TFB2M: variants seen among roughly 807,000 people sequenced by gnomAD.
TFB2M encodes the protein dimethyladenosine transferase 2, mitochondrial.
Under a neutral mutation model 41.3 loss-of-function variants are expected in TFB2M, and 44 were observed. The ratio of observed to expected loss-of-function variants is 1.07; its 90% CI spans 0.84 to 1.37. The LOEUF (loss-of-function observed/expected upper bound fraction) is 1.37. Among genes scored for constraint, TFB2M ranks in the 40% most tolerant of loss-of-function variants. The pLI, the probability that TFB2M is intolerant of heterozygous loss-of-function variation, is 0.00. For missense variants in TFB2M, 496 were observed against 490.2 expected (o/e 1.01, Z -0.11); for synonymous variants, 188 against 176.8 (o/e 1.06, Z -0.50).
chr1:246,561,175 G>C (rs546338855), intron 2 of TFB2M, among the ~76,000 whole-genome samples: 1 of 152,248 alleles, frequency 6.6e-6, no homozygotes, highest in South Asian at 2.1e-4. Context: ...AATTTTATTT[G>C]AATGGCTTTT....
intron 5 of TFB2M, 122 bp downstream of exon 5, chr1:246,551,090 AC>A: frequency 1.4e-6 from 1 of 692,400 alleles, no homozygotes; most frequent in South Asian, 1.8e-5. Context: ...TGAGAGGATC[AC>A]TTGAGTCCAG....
Position 246,566,258 on chromosome 1 carries a change from C to T in TFB2M, c.-120G>A. 2.0e-6 allele frequency: 2 copies of T among 992,214 alleles called. No individual in the cohort carries two copies. The highest frequency in any genetic ancestry group is 2.6e-5 in the East Asian group (1 of 38,372). The allele number at this position is 992,214 out of a possible 1,614,324, so 61.5% of individuals were successfully genotyped here. A position where few individuals can be genotyped will look rare whatever the true frequency, so the allele number is the denominator to read the frequency against. ...CCGGGCCAGGTCAAGCGGAAGTAAA[C>T]ACTAGAGCCTGCGCATGCGAACAGC... On this transcript the variant is annotated 5_prime_UTR_variant, in exon 1 of 8. Coordinates refer to ENST00000366514, the MANE Select transcript of TFB2M (RefSeq NM_022366.3).
intron 2 of TFB2M, among the ~76,000 whole-genome samples, chr1:246,560,015 T>A (rs1271618206): frequency 6.6e-6 from 1 of 152,132 alleles, no homozygotes; most frequent in Non-Finnish European, 1.5e-5. Context: ...GAGGGCCGCA[T>A]ACAGCCCAGG....
At chr1:246,562,274 A>T (rs1659476165) in intron 2 of TFB2M, among the ~76,000 whole-genome samples, 1 of 152,236 alleles carries the variant, frequency 6.6e-6, no homozygotes, top group Non-Finnish European at 1.5e-5. Flanking sequence ...GAAACGGAAG[A>T]TTATAAAAGA....
intron 2 of TFB2M, among the ~76,000 whole-genome samples, chr1:246,561,069 G>A (rs987259411): frequency 1.3e-5 from 2 of 152,340 alleles, no homozygotes; most frequent in African/African-American, 4.8e-5. Flanking sequence ...TATCCGCTAA[G>A]CGCAGCACTT....
intron 2 of TFB2M, among the ~76,000 whole-genome samples, chr1:246,558,242 G>A (rs1290496388): frequency 6.6e-6 from 1 of 151,560 alleles, no homozygotes; most frequent in Non-Finnish European, 1.5e-5. Context: ...GACCTCCTGG[G>A]CTTAAGTGAT....
intron 4 of TFB2M, among the ~76,000 whole-genome samples, chr1:246,556,312 T>C (rs564603471): frequency 7.6e-4 from 116 of 152,310 alleles, no homozygotes; most frequent in African/African-American, 2.5e-3. Flanking sequence ...AGTTTGTGTT[T>C]AATGAGTACA....
chr1:246,563,010 G>A (rs555764064), intron 2 of TFB2M, among the ~76,000 whole-genome samples: 26 of 152,152 alleles, frequency 1.7e-4, no homozygotes, highest in South Asian at 4.2e-4. Flanking sequence ...TAGCCTTGAC[G>A]GACCCGCTTC....
chr1:246,564,324 C>A (rs767808389), intron 2 of TFB2M, 22 bp downstream of exon 2: 12 of 1,606,002 alleles, frequency 7.5e-6, no homozygotes, highest in South Asian at 2.2e-5. Flanking sequence ...CAATAACATA[C>A]GTTGAGAAAC....
chr1:246,563,205 T>G (rs1348932242), intron 2 of TFB2M, among the ~76,000 whole-genome samples: 1 of 85,988 alleles, frequency 1.2e-5, no homozygotes, highest in Non-Finnish European at 2.9e-5. Context: ...GAACACACTT[T>G]TTTTTTTTTT....
chr1:246,555,583 A>C (rs1341743361), intron 4 of TFB2M, among the ~76,000 whole-genome samples: 1 of 152,100 alleles, frequency 6.6e-6, no homozygotes, highest in African/African-American at 2.4e-5. Context: ...AAAAACAAAC[A>C]AACAATCAAA....
chr1:246,562,447 C>A (rs1026879993), intron 2 of TFB2M, among the ~76,000 whole-genome samples: 3 of 152,100 alleles, frequency 2.0e-5, no homozygotes, highest in Non-Finnish European at 4.4e-5. Flanking sequence ...GGCTGAGCAT[C>A]CTTAATCCAA....
Position 246,565,982 on chromosome 1 carries a change from G to T in TFB2M, c.157C>A (p.Pro53Thr). 32 of 1,614,148 alleles carry T rather than the reference G, an allele frequency of 2.0e-5. No individual in the cohort carries two copies. Among genetic ancestry groups the T allele is most frequent in the Non-Finnish European group, 2.6e-5 (31 of 1,180,028 alleles). Reference sequence around the variant, plus strand: ...GGCGGATTCCTGAAATCCGGTTCGGGCCACAGCTGCGGAGAGGAGTCAGAG... The same window carrying T: ...GGCGGATTCCTGAAATCCGGTTCGGTCCACAGCTGCGGAGAGGAGTCAGAG... The part of the protein sequence containing the change: ...GLSDSSPQLW[P>T]EPDFRNPPRK... The change falls in exon 1 of 8, where the codon CCC (proline) becomes ACC (threonine). Residue 53 changes from proline (P) to threonine (T), a missense_variant. Coordinates refer to ENST00000366514, the MANE Select transcript of TFB2M (RefSeq NM_022366.3).
chr1:246,545,006 CGT>C lies in TFB2M; in HGVS notation c.859-327_859-326del, dbSNP rs1332906837. Among the ~76,000 whole-genome samples the C allele has an allele frequency of 6.5e-4, 99 of 151,818 alleles. 2 individuals carry two copies. In the East Asian group the frequency reaches 0.019, roughly 29 times the overall value. On this transcript the variant is annotated intron_variant, in intron 6 of 7. Transcript: ENST00000366514. ...ATTTTTAGTAGAGATGGGGTTTCAC[CGT>C]GTTAGCCAGGATGGTCTCGATCTCC... is the stretch of plus-strand genomic sequence containing the variant.
intron 2 of TFB2M, among the ~76,000 whole-genome samples, chr1:246,557,815 G>A (rs1659364460): frequency 6.6e-6 from 1 of 152,028 alleles, no homozygotes; most frequent in South Asian, 2.1e-4. Context: ...GACTACAGGT[G>A]CGTGCCACCA....
At chr1:246,544,930 C>A (rs775055357) in intron 6 of TFB2M, among the ~76,000 whole-genome samples, 10 of 152,178 alleles carry the variant, frequency 6.6e-5, no homozygotes, top group East Asian at 1.9e-4. Context: ...CTCAGCCTCC[C>A]GAGTAGCTGG....
intron 6 of TFB2M, among the ~76,000 whole-genome samples, chr1:246,545,005 C>CTA: frequency 6.6e-6 from 1 of 151,864 alleles, no homozygotes; most frequent in Non-Finnish European, 1.5e-5. Context: ...TGGGGTTTCA[C>CTA]CGTGTTAGCC....
intron 4 of TFB2M, among the ~76,000 whole-genome samples, chr1:246,554,221 T>G (rs1195954354): frequency 6.6e-6 from 1 of 152,154 alleles, no homozygotes; most frequent in East Asian, 1.9e-4. Context: ...TATAAAACTC[T>G]TAGAAGAAAA....
intron 4 of TFB2M, among the ~76,000 whole-genome samples, chr1:246,553,153 G>A (rs915248172): frequency 1.3e-5 from 2 of 152,076 alleles, no homozygotes; most frequent in African/African-American, 2.4e-5. Context: ...ACTGGGAGGC[G>A]GAGGTTGCAG....
Sources: allele counts gnomAD v4.1 joint callset (sites outside exome capture counted in the v4.1 genomes callset), GRCh38; gene constraint gnomAD v4.1.1; transcripts MANE v1.5; gene names NCBI Gene and HGNC (gene_info 2026-07-23, HGNC 2026-07-21).